Variants in LIPA observed in about 807,000 individuals in gnomAD.
LIPA encodes lipase A, lysosomal acid type, also known as lysosomal acid lipase/cholesteryl ester hydrolase.
A neutral mutation model predicts 40.6 loss-of-function variants in LIPA; 26 were observed. The observed-to-expected ratio is 0.64, with a 90% CI of 0.47 to 0.89. The LOEUF is 0.89. Among genes scored for constraint, LIPA ranks in the 40% least tolerant of loss-of-function variants. The probability of loss-of-function intolerance (pLI) is 0.00; values close to 1 mark genes in which losing one functional copy is unlikely to be tolerated. For missense variants in LIPA, 455 were observed against 479.6 expected (o/e 0.95, Z 0.48); for synonymous variants, 188 against 168.4 (o/e 1.12, Z -0.90).
intron 1 of LIPA, among the ~76,000 whole-genome samples, chr10:89,272,630 T>C (rs762465947): frequency 3.7e-4 from 57 of 152,200 alleles, no homozygotes; most frequent in Admixed American, 8.5e-4. Flanking sequence ...GATTGTTGGG[T>C]TGAATGGTAT....
intron 3 of LIPA, among the ~76,000 whole-genome samples, chr10:89,233,424 C>T (rs1353058755): frequency 6.6e-6 from 1 of 152,216 alleles, no homozygotes; most frequent in Non-Finnish European, 1.5e-5. Context: ...GTGTCCTCCA[C>T]ATTCAGGTGA....
intron 2 of LIPA, among the ~76,000 whole-genome samples, chr10:89,409,497 C>T (rs796332619): frequency 6.6e-6 from 1 of 152,202 alleles, no homozygotes; most frequent in Non-Finnish European, 1.5e-5. Flanking sequence ...GCACACTGCC[C>T]CAGAGGACAA....
rs543669710 is a variant in LIPA, at chr10:89,239,893, G to A, written c.229+5783C>T. Among the ~76,000 whole-genome samples the A allele has an allele frequency of 1.9e-4, 29 of 152,224 alleles. No individual in the cohort carries two copies. The South Asian group carries it at 6.0e-3, about 32-fold the overall frequency. ...CAAACCCAGGTCATGTGACAAATGT[G>A]CCCATCATCTCCATGCCAAATTGCC... On this transcript the variant is annotated intron_variant, in intron 3 of 9. Coordinates refer to ENST00000336233, the MANE Select transcript of LIPA (RefSeq NM_000235.4).
At chr10:89,274,235 G>T (rs1411301624) in intron 1 of LIPA, among the ~76,000 whole-genome samples, 2 of 152,282 alleles carry the variant, frequency 1.3e-5, no homozygotes, top group Admixed American at 1.3e-4. Context: ...AATAATAAAG[G>T]TCTAAAGTAG....
chr10:89,250,062 CTTTTCTT>C lies in LIPA; in HGVS notation c.-2+1668_-2+1674del, dbSNP rs769342298. Among the ~76,000 whole-genome samples the C allele has an allele frequency of 4.4e-4, 59 of 134,988 alleles. 1 individual carries two copies. The East Asian group carries it at 8.9e-3, about 20-fold the overall frequency. 88.6% of individuals were successfully genotyped at this position (134,988 alleles called of 152,430 possible). A position where few individuals can be genotyped will look rare whatever the true frequency, so the allele number is the denominator to read the frequency against. On this transcript the variant is annotated intron_variant, in intron 1 of 9. Transcript: ENST00000336233. ...CCAAGAAGTAGTGAACTCTGAAATT[CTTTTCTT>C]TTTTCTTTTTTCTTTTTCTTTTTCT... is the stretch of plus-strand genomic sequence containing the variant.
At chr10:89,341,214 G>A (rs1843866663) in intron 1 of LIPA, among the ~76,000 whole-genome samples, 1 of 152,226 alleles carries the variant, frequency 6.6e-6, no homozygotes, top group Non-Finnish European at 1.5e-5. Flanking sequence ...GTTAGCAGCT[G>A]CTGCTGTAGA....
At chr10:89,255,772 G>A (rs186542106), upstream of LIPA, among the ~76,000 whole-genome samples, 1 of 152,312 alleles carries the variant, frequency 6.6e-6, no homozygotes, top group East Asian at 1.9e-4. Context: ...GTTTGTTCTA[G>A]ATGTGTTGGT....
chr10:89,251,065 G>A (rs1242268346), intron 1 of LIPA, among the ~76,000 whole-genome samples: 1 of 152,196 alleles, frequency 6.6e-6, no homozygotes, highest in Non-Finnish European at 1.5e-5. Context: ...AGGCCCCAAC[G>A]CAGCATGCTA....
At chr10:89,230,018 AAT>A (rs1266081230) in intron 3 of LIPA, among the ~76,000 whole-genome samples, 1 of 152,176 alleles carries the variant, frequency 6.6e-6, no homozygotes, top group African/African-American at 2.4e-5. Context: ...CAAATTCATA[AAT>A]ATATGTGTCT....
intron 2 of LIPA, chr10:89,383,781 T>C: frequency 6.2e-7 from 1 of 1,614,188 alleles, no homozygotes; most frequent in Non-Finnish European, 8.5e-7. Context: ...GTGGAAAGAA[T>C]TATGAACGGG....
chr10:89,333,168 G>A (rs1484937296), intron 1 of LIPA, among the ~76,000 whole-genome samples: 3 of 152,070 alleles, frequency 2.0e-5, no homozygotes, highest in African/African-American at 7.2e-5. Flanking sequence ...CCTCTAGCAG[G>A]TCTAGTGACC....
At chr10:89,353,053 T>G (rs975056099) in intron 2 of LIPA, among the ~76,000 whole-genome samples, 1 of 152,102 alleles carries the variant, frequency 6.6e-6, no homozygotes, top group African/African-American at 2.4e-5. Flanking sequence ...CATAAATTGT[T>G]AGAGTAGGTA....
chr10:89,322,016 C>A (rs924274786), intron 1 of LIPA, among the ~76,000 whole-genome samples: 8 of 151,450 alleles, frequency 5.3e-5, no homozygotes, highest in African/African-American at 1.9e-4. Context: ...CGGAACTGAG[C>A]AATAAGAACA....
intron 2 of LIPA, among the ~76,000 whole-genome samples, chr10:89,389,824 G>A (rs1844232787): frequency 6.6e-6 from 1 of 152,062 alleles, no homozygotes. Flanking sequence ...ACTGAATCTG[G>A]GCCTCACAGA....
Position 89,384,216 on chromosome 10 carries a change from A to G in LIPA, c.61+28575T>C, listed in dbSNP as rs761251748. 4.3e-6 allele frequency: 7 copies of G among 1,614,058 alleles called. No individual in the cohort carries two copies. In the East Asian group the frequency reaches 1.6e-4, roughly 36 times the overall value. On this transcript the variant is annotated intron_variant, in intron 2 of 8. Transcript: ENST00000371837. ...TTTGCTACAGGGCACAAATGATCCA[A>G]ATCAAGGAAGCTACAAACTGGCAGC...
intron 1 of LIPA, among the ~76,000 whole-genome samples, chr10:89,269,222 C>T (rs941425090): frequency 2.8e-4 from 43 of 151,666 alleles, no homozygotes; most frequent in East Asian, 1.9e-4. Context: ...CCCAGCTACT[C>T]GGGAGGCTGA....
At chr10:89,290,036 C>T (rs1443706945) in intron 1 of LIPA, among the ~76,000 whole-genome samples, 1 of 151,672 alleles carries the variant, frequency 6.6e-6, no homozygotes, top group Non-Finnish European at 1.5e-5. Context: ...ATGAAGAGTG[C>T]TGTTTTTACC....
In LIPA at chr10:89,228,798, A is replaced by G. The variant is rs148966297; in HGVS notation, c.230-400T>C. Among the ~76,000 whole-genome samples, 164 of 152,384 alleles carry G rather than the reference A, an allele frequency of 1.1e-3. 1 individual carries two copies. The highest frequency in any genetic ancestry group is 3.6e-3 in the African/African-American group (151 of 41,588). ...AAAAGGAAAGAAAAAGATCACACAT[A>G]ATGAGACATCACTATACACGTATCA... On this transcript the variant is annotated intron_variant, in intron 3 of 9. Transcript: ENST00000336233.
At chr10:89,388,794 T>TA (rs140698869) in intron 2 of LIPA, among the ~76,000 whole-genome samples, 7,387 of 140,212 alleles carry the variant, frequency 0.053, 270 homozygotes, top group African/African-American at 0.1. Flanking sequence ...GCCTGAAATG[T>TA]AAAAAAAAAA....
Sources: allele counts gnomAD v4.1 joint callset (sites outside exome capture counted in the v4.1 genomes callset), GRCh38; gene constraint gnomAD v4.1.1; transcripts MANE v1.5; gene names NCBI Gene and HGNC (gene_info 2026-07-23, HGNC 2026-07-21).